ERCC8: variants seen among roughly 807,000 people sequenced by gnomAD.
ERCC8 encodes DNA excision repair protein ERCC-8.
In ERCC8, 52 loss-of-function variants were observed where a neutral mutation model predicts 54.9. The ratio of observed to expected loss-of-function variants is 0.95; its 90% CI spans 0.76 to 1.19. The LOEUF is 1.19. Among genes scored for constraint, ERCC8 ranks in the 50% most tolerant of loss-of-function variants. The pLI, the probability that ERCC8 is intolerant of heterozygous loss-of-function variation, is 0.00. For missense variants in ERCC8, 514 were observed against 466.1 expected (o/e 1.10, Z -0.95); for synonymous variants, 146 against 157.2 (o/e 0.93, Z 0.53).
At chr5:60,925,826 T>C (rs1749731386) in intron 2 of ERCC8, among the ~76,000 whole-genome samples, 1 of 152,126 alleles carries the variant, frequency 6.6e-6, no homozygotes, top group African/African-American at 2.4e-5. Flanking sequence ...ATTGTCATCT[T>C]TCTTTCTTTT....
intron 9 of ERCC8, among the ~76,000 whole-genome samples, chr5:60,895,673 A>G (rs940149432): frequency 1.3e-5 from 2 of 152,192 alleles, no homozygotes; most frequent in African/African-American, 4.8e-5. Flanking sequence ...CTACATGTGC[A>G]ACAATTTGCA....
intron 4 of ERCC8, among the ~76,000 whole-genome samples, chr5:60,914,206 T>C (rs1749357775): frequency 6.6e-6 from 1 of 152,052 alleles, no homozygotes; most frequent in East Asian, 1.9e-4. Flanking sequence ...AAGTCTCCCA[T>C]TATTATTGTG....
intron 1 of ERCC8, among the ~76,000 whole-genome samples, chr5:60,941,336 G>A (rs1025401895): frequency 6.6e-6 from 1 of 152,166 alleles, no homozygotes; most frequent in Non-Finnish European, 1.5e-5. Context: ...GAAAAAATCT[G>A]TGAACTTGAA....
chr5:60,899,590 C>T, intron 8 of ERCC8, 37 bp downstream of exon 8: 1 of 1,440,196 alleles, frequency 6.9e-7, no homozygotes, highest in Non-Finnish European at 9.8e-7. Flanking sequence ...TAAAAAAATA[C>T]TATCATTGTC....
At chr5:60,922,946 G>A (rs1214530873) in intron 2 of ERCC8, among the ~76,000 whole-genome samples, 1 of 152,094 alleles carries the variant, frequency 6.6e-6, no homozygotes, top group East Asian at 1.9e-4. Flanking sequence ...CAATATTTAA[G>A]CTGGTATGTG....
At chr5:60,941,554 A>C (rs1750258059) in intron 1 of ERCC8, among the ~76,000 whole-genome samples, 1 of 152,248 alleles carries the variant, frequency 6.6e-6, no homozygotes, top group South Asian at 2.1e-4. Flanking sequence ...GGAAAGATAT[A>C]AGTCTACAAG....
intron 11 of ERCC8, among the ~76,000 whole-genome samples, chr5:60,880,655 A>G (rs1748183531): frequency 6.6e-6 from 1 of 152,172 alleles, no homozygotes; most frequent in Non-Finnish European, 1.5e-5. Flanking sequence ...AGTTGATCAA[A>G]TCAGCTACTG....
At chr5:60,875,210 TG>T (rs1431219476) in intron 11 of ERCC8, among the ~76,000 whole-genome samples, 1 of 152,190 alleles carries the variant, frequency 6.6e-6, no homozygotes. Flanking sequence ...AAAAATAATG[TG>T]GGTTATTAAG....
At chr5:60,900,683 T>TGAAG in intron 7 of ERCC8, 1 of 152,188 alleles carries the variant, frequency 6.6e-6, no homozygotes, top group South Asian at 2.1e-4. Context: ...TCTTTCCAGG[T>TGAAG]GAAGGAAATG....
intron 11 of ERCC8, among the ~76,000 whole-genome samples, chr5:60,875,517 T>A (rs1007872477): frequency 2.6e-5 from 4 of 152,206 alleles, no homozygotes; most frequent in African/African-American, 9.6e-5. Flanking sequence ...TGCAAATAAC[T>A]AAAAGGGCTT....
intron 1 of ERCC8, among the ~76,000 whole-genome samples, chr5:60,930,681 G>A (rs1055918429): frequency 5.0e-4 from 75 of 150,984 alleles, no homozygotes; most frequent in African/African-American, 1.8e-3. Context: ...AGCCGAGATC[G>A]CGCCACTGCA....
intron 11 of ERCC8, among the ~76,000 whole-genome samples, chr5:60,877,309 A>T (rs1748044241): frequency 6.6e-6 from 1 of 152,194 alleles, no homozygotes; most frequent in South Asian, 2.1e-4. Flanking sequence ...GAAGTCAGGT[A>T]GTGTGATGCC....
intron 11 of ERCC8, among the ~76,000 whole-genome samples, chr5:60,880,530 A>T (rs1748178868): frequency 6.6e-6 from 1 of 152,176 alleles, no homozygotes; most frequent in African/African-American, 2.4e-5. Context: ...GTCTTTTCAC[A>T]TAGTCCCATA....
chr5:60,927,343 C>T (rs1005235268), intron 2 of ERCC8, among the ~76,000 whole-genome samples: 1 of 152,116 alleles, frequency 6.6e-6, no homozygotes, highest in African/African-American at 2.4e-5. Flanking sequence ...AGAATGTACG[C>T]TTTCCTTTTA....
chr5:60,898,175 A>T, intron 9 of ERCC8, 101 bp downstream of exon 9: 1 of 1,319,986 alleles, frequency 7.6e-7, no homozygotes, highest in Non-Finnish European at 1.1e-6. Context: ...AACAGCTGTG[A>T]TTAAAAGGGA....
intron 3 of ERCC8, among the ~76,000 whole-genome samples, chr5:60,921,469 C>T (rs1420509144): frequency 6.6e-6 from 1 of 151,658 alleles, no homozygotes; most frequent in East Asian, 1.9e-4. Flanking sequence ...TTATTAGAGA[C>T]TTAAAAAAAA....
chr5:60,923,009 T>C (rs192041599), intron 2 of ERCC8, among the ~76,000 whole-genome samples: 72 of 152,158 alleles, frequency 4.7e-4, no homozygotes, highest in Admixed American at 1.2e-3. Context: ...TCCAAGCCCA[T>C]TCTAGGAACC....
At chr5:60,903,184 C>T (rs1429768867) in intron 6 of ERCC8, among the ~76,000 whole-genome samples, 2 of 151,854 alleles carry the variant, frequency 1.3e-5, no homozygotes, top group Non-Finnish European at 2.9e-5. Context: ...TAGAATTAGA[C>T]AATCTAATAC....
chr5:60,887,413 T>C (rs1341254295), intron 11 of ERCC8, 27 bp downstream of exon 11: 1 of 1,513,684 alleles, frequency 6.6e-7, no homozygotes, highest in East Asian at 2.3e-5. Context: ...TAGAAGTCAC[T>C]GTACCATTTG....
Sources: allele counts gnomAD v4.1 joint callset (sites outside exome capture counted in the v4.1 genomes callset), GRCh38; gene constraint gnomAD v4.1.1; transcripts MANE v1.5; gene names NCBI Gene and HGNC (gene_info 2026-07-23, HGNC 2026-07-21).